The following COG6 variants were observed in gnomAD, a reference collection of about 807,000 sequenced individuals.
COG6 encodes the protein conserved oligomeric Golgi complex subunit 6.
In COG6, 74 loss-of-function variants were observed where a neutral mutation model predicts 88.8. The observed-to-expected ratio is 0.83, with a 90% confidence interval of 0.69 to 1.01. The LOEUF (loss-of-function observed/expected upper bound fraction) is 1.01, where lower values mean the gene tolerates loss of function less well. COG6 is among the 50% of genes least tolerant of loss of function. The pLI, the probability that COG6 is intolerant of heterozygous loss-of-function variation, is 0.00. For missense variants in COG6, 800 were observed against 797.9 expected (o/e 1.00, Z -0.03); for synonymous variants, 286 against 278.7 (o/e 1.03, Z -0.26).
At chr13:39,754,888 A>T (rs919368408), downstream of COG6, among the ~76,000 whole-genome samples, 1 of 152,112 alleles carries the variant, frequency 6.6e-6, no homozygotes, top group African/African-American at 2.4e-5. Context: ...ATCCTTTATA[A>T]TTCAGCCGGA....
chr13:39,788,437 T>G lies in COG6; in HGVS notation c.*81T>G. 3 of 1,382,244 alleles carry G rather than the reference T, an allele frequency of 2.2e-6. No individual in the cohort carries two copies. The South Asian group carries it at 3.7e-5, about 17-fold the overall frequency. The allele number at this position is 1,382,244 out of a possible 1,614,324, so 85.6% of individuals were successfully genotyped here. On this transcript the variant is annotated 3_prime_UTR_variant, in exon 19 of 19. Coordinates refer to the COG6 transcript ENST00000416691. ...GGTGATGTCTCGGAAAACTCTGCCT[T>G]GGGGACTGGCTATAGAAATGTGGCC...
Position 39,687,485 on chromosome 13 carries a change from A to C in COG6, c.789-18A>C. The C allele has an allele frequency of 6.2e-7, 1 of 1,609,748 alleles. No individual in the cohort carries two copies. Among genetic ancestry groups the C allele is most frequent in the Non-Finnish European group, 8.5e-7 (1 of 1,176,172 alleles). ...AGAAACAACCCCAACCATTTTTTATATAACTTGTTTCTTCTAGATATACCT... is the reference window on the plus strand; with the variant it reads ...AGAAACAACCCCAACCATTTTTTATCTAACTTGTTTCTTCTAGATATACCT... On this transcript the variant is annotated intron_variant, in intron 8 of 18. Coordinates refer to ENST00000455146, the MANE Select transcript of COG6 (RefSeq NM_020751.3).
intron 18 of COG6, among the ~76,000 whole-genome samples, chr13:39,750,650 T>A (rs1021334263): frequency 2.0e-5 from 3 of 152,316 alleles, no homozygotes; most frequent in Middle Eastern, 3.4e-3. Context: ...TATTTAGCAG[T>A]CCTGTATATC....
intron 18 of COG6, among the ~76,000 whole-genome samples, chr13:39,760,505 A>C (rs1880977735): frequency 6.6e-6 from 1 of 152,194 alleles, no homozygotes; most frequent in Admixed American, 6.5e-5. Context: ...CAGAAAGAAC[A>C]TCTCAATGTA....
chr13:39,677,797 C>T (rs1007095037), intron 5 of COG6, among the ~76,000 whole-genome samples: 17 of 152,058 alleles, frequency 1.1e-4, no homozygotes, highest in Non-Finnish European at 1.9e-4. Flanking sequence ...TCTATGTCAC[C>T]TATTTTACTC....
chr13:39,710,319 A>T (rs1367628929), intron 13 of COG6, among the ~76,000 whole-genome samples: 1 of 151,920 alleles, frequency 6.6e-6, no homozygotes, highest in Non-Finnish European at 1.5e-5. Context: ...GTTGATTTTG[A>T]TCGTTGATTC....
At chr13:39,682,340 A>G in intron 8 of COG6, 76 bp downstream of exon 8, 1 of 806,606 alleles carries the variant, frequency 1.2e-6, no homozygotes, top group East Asian at 2.6e-5. Flanking sequence ...TAGTATTATC[A>G]AAAGCGTATA....
At chr13:39,729,386 CAGAT>C (rs1368205635) in intron 18 of COG6, among the ~76,000 whole-genome samples, 2 of 152,160 alleles carry the variant, frequency 1.3e-5, no homozygotes, top group African/African-American at 4.8e-5. Flanking sequence ...GTAAAGGAAA[CAGAT>C]GGACAGATTT....
At chr13:39,679,919 TG>T in intron 6 of COG6, 55 bp from the exon 7 acceptor site, 1 of 894,180 alleles carries the variant, frequency 1.1e-6, no homozygotes, top group South Asian at 1.4e-5. Flanking sequence ...AATAATTAGG[TG>T]CTTAGATGTA....
At chr13:39,714,225 T>C (rs368322302) in intron 13 of COG6, among the ~76,000 whole-genome samples, 1 of 8,426 alleles carries the variant, frequency 1.2e-4, no homozygotes, top group Non-Finnish European at 6.3e-4. Flanking sequence ...TTTTTGAAAG[T>C]TTTTTTTTTT....
intron 18 of COG6, among the ~76,000 whole-genome samples, chr13:39,780,146 G>A (rs540141358): frequency 3.9e-5 from 6 of 152,278 alleles, no homozygotes; most frequent in East Asian, 1.9e-4. Flanking sequence ...CATTGAGTTC[G>A]AACTAGAAAC....
chr13:39,751,336 C>T lies in COG6; in HGVS notation c.*243C>T. ...GATGATCTATTTTTTTGCTAGCCAT[C>T]TCTCCAGCTCTGCAGTTTTCACTGT... On this transcript the variant is annotated 3_prime_UTR_variant, in exon 19 of 19. Transcript: ENST00000455146. The T allele has an allele frequency of 1.4e-6, 2 of 1,451,246 alleles. No individual in the cohort carries two copies. The highest frequency in any genetic ancestry group is 1.2e-5 in the South Asian group (1 of 82,266). 89.9% of individuals were successfully genotyped at this position (1,451,246 alleles called of 1,614,324 possible).
chr13:39,723,536 T>A, intron 16 of COG6, 96 bp downstream of exon 16: 1 of 754,688 alleles, frequency 1.3e-6, no homozygotes, highest in Non-Finnish European at 2.4e-6. Context: ...CTACCACATA[T>A]TAGCTGTGTT....
intron 11 of COG6, among the ~76,000 whole-genome samples, chr13:39,693,525 A>G (rs1370440563): frequency 6.6e-6 from 1 of 151,998 alleles, no homozygotes; most frequent in Non-Finnish European, 1.5e-5. Flanking sequence ...GATGTAATGT[A>G]TAATTTAAGT....
chr13:39,714,881 A>G (rs1267996340), intron 13 of COG6, among the ~76,000 whole-genome samples: 1 of 152,218 alleles, frequency 6.6e-6, no homozygotes, highest in Non-Finnish European at 1.5e-5. Context: ...CCCATCAACT[A>G]ATCAGTCGAT....
chr13:39,717,700 T>A (rs1878603338), intron 13 of COG6, among the ~76,000 whole-genome samples: 1 of 151,902 alleles, frequency 6.6e-6, no homozygotes, highest in African/African-American at 2.4e-5. Context: ...GACTACCATC[T>A]CTACAAAAAA....
At chr13:39,750,903 T>A in intron 18 of COG6, 43 bp from the exon 19 acceptor site, 1 of 1,491,516 alleles carries the variant, frequency 6.7e-7, no homozygotes, top group Non-Finnish European at 9.3e-7. Context: ...GTAAATATAT[T>A]TTTTTCAAAT....
At chr13:39,690,232 A>G (rs893619057) in intron 11 of COG6, among the ~76,000 whole-genome samples, 2 of 152,058 alleles carry the variant, frequency 1.3e-5, no homozygotes, top group African/African-American at 4.8e-5. Context: ...TAATCCAAGG[A>G]TAAAATAATG....
intron 2 of COG6, among the ~76,000 whole-genome samples, chr13:39,660,281 G>A (rs117662594): frequency 0.022 from 3,341 of 152,110 alleles, 55 homozygotes; most frequent in Non-Finnish European, 0.033. Context: ...CTACAGCATC[G>A]AACTCCTGGG....
Sources: allele counts gnomAD v4.1 joint callset (sites outside exome capture counted in the v4.1 genomes callset), GRCh38; gene constraint gnomAD v4.1.1; transcripts MANE v1.5; gene names NCBI Gene and HGNC (gene_info 2026-07-23, HGNC 2026-07-21).